PBLD: variants seen among roughly 807,000 people sequenced by gnomAD.
PBLD encodes phenazine biosynthesis like protein domain containing.
Under a neutral mutation model 31.3 loss-of-function variants are expected in PBLD, and 26 were observed. The ratio of observed to expected loss-of-function variants is 0.83; its 90% CI spans 0.61 to 1.15. The LOEUF (loss-of-function observed/expected upper bound fraction) is 1.15. Among genes scored for constraint, PBLD ranks in the 50% most tolerant of loss-of-function variants. The pLI, the probability that PBLD is intolerant of heterozygous loss-of-function variation, is 0.00. For synonymous variants in PBLD, 114 were observed against 129.0 expected (o/e 0.88, Z 0.79); for missense variants, 307 against 351.7 (o/e 0.87, Z 1.02).
At chr10:68,317,963 C>T (rs1246396641) in intron 1 of PBLD, among the ~76,000 whole-genome samples, 10 of 152,170 alleles carry the variant, frequency 6.6e-5, no homozygotes, top group Middle Eastern at 3.4e-3. Flanking sequence ...CACGGTGGCT[C>T]ACGCCTGTAA....
intron 4 of PBLD, chr10:68,295,813 G>C (rs2044418810): frequency 6.6e-6 from 1 of 152,460 alleles, no homozygotes; most frequent in Non-Finnish European, 1.5e-5. Flanking sequence ...TTAGCTGGGT[G>C]TGGTGGTGGG....
chr10:68,313,216 A>T (rs527882420), intron 1 of PBLD, among the ~76,000 whole-genome samples: 1 of 152,192 alleles, frequency 6.6e-6, no homozygotes, highest in African/African-American at 2.4e-5. Flanking sequence ...TGCCGGGCCG[A>T]GTTTCTTATA....
chr10:68,293,183 TA>T (rs1564726420), intron 4 of PBLD, among the ~76,000 whole-genome samples: 1 of 152,210 alleles, frequency 6.6e-6, no homozygotes, highest in East Asian at 1.9e-4. Flanking sequence ...ATACAGATTT[TA>T]AAATATCCAG....
At chr10:68,313,672 T>C (rs761377373) in intron 1 of PBLD, among the ~76,000 whole-genome samples, 82 of 152,232 alleles carry the variant, frequency 5.4e-4, no homozygotes, top group Non-Finnish European at 7.3e-4. Flanking sequence ...GAAAACACTT[T>C]GGTGTTAAGA....
At chr10:68,312,735 G>A (rs940922792) in intron 1 of PBLD, among the ~76,000 whole-genome samples, 61 of 145,740 alleles carry the variant, frequency 4.2e-4, no homozygotes, top group African/African-American at 1.5e-4. Context: ...TCAGCCTCCG[G>A]AGTAGCTGGT....
rs1418348358 is a variant in PBLD, at chr10:68,296,291, A to C, written c.258T>G (p.Ser86=). Residue 86 remains serine (S), a synonymous_variant, in exon 4 of 10, where the codon TCT becomes TCG. Coordinates refer to ENST00000358769, the MANE Select transcript of PBLD (RefSeq NM_022129.4). ...TTATTTTGTGAAACAGCACAGCTGC[A>C]GAAGCCAGGGTGGCATGGCCACAGA... ...VPLCGHATLA[S]AAVLFHKIKN... is the part of the protein sequence containing the mutation. 2 of 1,613,810 alleles carry C rather than the reference A, an allele frequency of 1.2e-6. No homozygotes were observed. The highest frequency in any genetic ancestry group is 1.7e-5 in the Admixed American group (1 of 59,986).
At position 68,325,201 on chromosome 10, in the gene PBLD, G is replaced by A. The variant is rs1265904232; in HGVS notation, c.-60+7583C>T. 2.0e-5 allele frequency among the ~76,000 whole-genome samples: 3 copies of A among 152,106 alleles called. No homozygotes were observed. In the East Asian group the frequency reaches 5.8e-4, roughly 29 times the overall value. On this transcript the variant is annotated intron_variant, in intron 1 of 9. Coordinates refer to ENST00000358769, the MANE Select transcript of PBLD (RefSeq NM_022129.4). ...GGAAGTTGCAGTGAGCTGAGACTGTGCCACTGCACTCCAGACTGGGTGACA... is the reference window on the plus strand; with the variant it reads ...GGAAGTTGCAGTGAGCTGAGACTGTACCACTGCACTCCAGACTGGGTGACA...
At chr10:68,327,979 G>C (rs2044950578) in intron 1 of PBLD, among the ~76,000 whole-genome samples, 1 of 152,130 alleles carries the variant, frequency 6.6e-6, no homozygotes, top group African/African-American at 2.4e-5. Context: ...AGATTGAACA[G>C]GCCTTTTGGT....
chr10:68,288,710 T>G (rs2044318768), intron 7 of PBLD, 49 bp from the exon 8 acceptor site: 1 of 1,578,682 alleles, frequency 6.3e-7, no homozygotes, highest in African/African-American at 1.3e-5. Flanking sequence ...CACAGCCCAC[T>G]CACCACACAG....
At chr10:68,327,295 C>T (rs746032846) in intron 1 of PBLD, among the ~76,000 whole-genome samples, 9 of 151,992 alleles carry the variant, frequency 5.9e-5, no homozygotes, top group Admixed American at 3.9e-4. Flanking sequence ...TGTCCCTGCC[C>T]CCAGTGTGAC....
At position 68,283,362 on chromosome 10, in the gene PBLD, G is replaced by A. The variant is rs2044251176; in HGVS notation, c.*815C>T. ...ACTTCTAAACTTGCCCCCCACACAT[G>A]AACTGTTTTCAGTTTGCTATTTTTA... On this transcript the variant is annotated 3_prime_UTR_variant, in exon 10 of 10. Transcript: ENST00000358769. The A allele has an allele frequency of 2.0e-5, 3 of 152,062 alleles. No individual in the cohort carries two copies. Among genetic ancestry groups the A allele is most frequent in the African/African-American group, 2.4e-5 (1 of 41,394 alleles). 9.4% of individuals were successfully genotyped at this position (152,062 alleles called of 1,614,324 possible). A position where few individuals can be genotyped will look rare whatever the true frequency, so the allele number is the denominator to read the frequency against.
At chr10:68,332,335 C>G (rs2045182825) in intron 1 of PBLD, 1 of 152,044 alleles carries the variant, frequency 6.6e-6, no homozygotes, top group Non-Finnish European at 1.5e-5. Context: ...GCTCGGAGGC[C>G]GCCGCTTGGA....
intron 1 of PBLD, among the ~76,000 whole-genome samples, chr10:68,311,724 C>A (rs893121340): frequency 2.9e-4 from 42 of 145,530 alleles, no homozygotes; most frequent in African/African-American, 1.0e-3. Context: ...TGCACTCCCA[C>A]CTGGGTGGCA....
intron 2 of PBLD, among the ~76,000 whole-genome samples, chr10:68,299,854 A>AAAAT (rs1301355844): frequency 7.2e-4 from 110 of 152,164 alleles, no homozygotes; most frequent in African/African-American, 2.3e-3. Context: ...CTCCATCTCA[A>AAAAT]AAATAAATAA....
chr10:68,296,846 G>A (rs899471908), intron 3 of PBLD, 40 bp downstream of exon 3: 30 of 1,521,580 alleles, frequency 2.0e-5, no homozygotes, highest in Non-Finnish European at 2.5e-5. Flanking sequence ...TCCAGCCCGT[G>A]CGACAGAACA....
At chr10:68,316,202 T>A (rs2044734620) in intron 1 of PBLD, among the ~76,000 whole-genome samples, 1 of 152,122 alleles carries the variant, frequency 6.6e-6, no homozygotes, top group South Asian at 2.1e-4. Context: ...GTTAAATATG[T>A]TCCAAAAACA....
intron 1 of PBLD, among the ~76,000 whole-genome samples, chr10:68,330,461 T>C (rs2045016461): frequency 6.6e-6 from 1 of 152,188 alleles, no homozygotes; most frequent in Non-Finnish European, 1.5e-5. Flanking sequence ...ACAATCTAGC[T>C]TCATCCACAT....
chr10:68,300,264 G>A (rs1254585130), intron 2 of PBLD, among the ~76,000 whole-genome samples: 1 of 152,156 alleles, frequency 6.6e-6, no homozygotes, highest in Admixed American at 6.5e-5. Context: ...CCAACACGTA[G>A]TAGGTACTTG....
At chr10:68,315,587 A>G (rs949637561) in intron 1 of PBLD, among the ~76,000 whole-genome samples, 1 of 152,064 alleles carries the variant, frequency 6.6e-6, no homozygotes. Context: ...AAAAAAAAAA[A>G]AAGACAAGAA....
Sources: allele counts gnomAD v4.1 joint callset (sites outside exome capture counted in the v4.1 genomes callset), GRCh38; gene constraint gnomAD v4.1.1; transcripts MANE v1.5; gene names NCBI Gene and HGNC (gene_info 2026-07-23, HGNC 2026-07-21).